MOCOS: variants seen among roughly 807,000 people sequenced by gnomAD.
MOCOS encodes the protein human molybdenum cofactor sulfurase.
Under a neutral mutation model 83.6 loss-of-function variants are expected in MOCOS, and 86 were observed. The ratio of observed to expected loss-of-function variants is 1.03; its 90% CI spans 0.86 to 1.23. MOCOS has a LOEUF of 1.23. Ranked by LOEUF, MOCOS falls within the 50% of genes most tolerant of loss-of-function variation. The probability of loss-of-function intolerance (pLI) is 0.00; values close to 1 mark genes in which losing one functional copy is unlikely to be tolerated. For missense variants in MOCOS, 1,120 were observed against 1,126.9 expected, an observed-to-expected ratio of 0.99 and a Z score of 0.09; for synonymous variants, 445 against 434.7, an observed-to-expected ratio of 1.02 and a Z score of -0.29.
intron 2 of MOCOS, among the ~76,000 whole-genome samples, chr18:36,197,276 T>C (rs902169155): frequency 1.3e-5 from 2 of 152,152 alleles, no homozygotes; most frequent in African/African-American, 4.8e-5. Context: ...TGCTTCATGC[T>C]TGGAGAAAAG....
intron 13 of MOCOS, among the ~76,000 whole-genome samples, chr18:36,262,077 T>C (rs572941847): frequency 6.6e-6 from 1 of 152,278 alleles, no homozygotes; most frequent in South Asian, 2.1e-4. Context: ...TTGCTTTCTT[T>C]AGGTCACCAT....
chr18:36,212,357 G>C (rs930840414), intron 6 of MOCOS, among the ~76,000 whole-genome samples: 2 of 151,954 alleles, frequency 1.3e-5, no homozygotes, highest in African/African-American at 4.8e-5. Flanking sequence ...GGGCAGCCAC[G>C]GGGACTCTAA....
chr18:36,238,810 G>T (rs1266004234), intron 9 of MOCOS, among the ~76,000 whole-genome samples: 2 of 123,522 alleles, frequency 1.6e-5, no homozygotes, highest in Admixed American at 9.1e-5. Context: ...TTATGAATCT[G>T]GGTGCTCCTG....
At chr18:36,218,048 G>A (rs115410496) in intron 8 of MOCOS, among the ~76,000 whole-genome samples, 1,893 of 152,268 alleles carry the variant, frequency 0.012, 44 homozygotes, top group African/African-American at 0.043. Flanking sequence ...GCAAAAGCAG[G>A]ATGGGGCGAC....
intron 13 of MOCOS, among the ~76,000 whole-genome samples, chr18:36,262,508 C>CT (rs368337747): frequency 2.0e-5 from 3 of 151,884 alleles, no homozygotes; most frequent in Non-Finnish European, 2.9e-5. Flanking sequence ...CTGCACCTTT[C>CT]TTTTTTTTGA....
chr18:36,223,035 CA>C (rs1341539263), intron 9 of MOCOS, among the ~76,000 whole-genome samples: 2 of 152,218 alleles, frequency 1.3e-5, no homozygotes, highest in African/African-American at 4.8e-5. Context: ...TCCCATTCCA[CA>C]GGTTGCCTTT....
Position 36,266,741 on chromosome 18 carries a change from C to T in MOCOS, c.2410-8C>T, listed in dbSNP as rs374057656. The T allele has an allele frequency of 9.9e-6, 16 of 1,613,198 alleles. No individual in the cohort carries two copies. The African/African-American group carries it at 2.1e-4, about 22-fold the overall frequency. ...TGGCAACGCTGTGTTTTCCTTCTCA[C>T]CTGCCAGGTTTTGGGGCCTTGTCAC... On this transcript the variant is annotated splice_polypyrimidine_tract_variant and splice_region_variant and intron_variant, in intron 13 of 14. Transcript: ENST00000261326.
rs1230602616 is a variant in MOCOS, at chr18:36,217,503, A to G, written c.1797+1526A>G. ...ATCTATGACTAGTTCTGTGGTTGGA[A>G]CTCTGAACCTTTGCCTTTGTCCACA... is the stretch of plus-strand genomic sequence containing the variant. On this transcript the variant is annotated intron_variant, in intron 8 of 14. Coordinates refer to ENST00000261326, the MANE Select transcript of MOCOS (RefSeq NM_017947.4). Among the ~76,000 whole-genome samples the G allele has an allele frequency of 2.6e-5, 4 of 151,750 alleles. No individual in the cohort carries two copies. The East Asian group carries it at 5.8e-4, about 22-fold the overall frequency.
chr18:36,199,896 G>T lies in MOCOS; in HGVS notation c.513G>T (p.Pro171=). Residue 171 remains proline, a synonymous_variant, in exon 4 of 15, where the codon CCG becomes CCT. Coordinates refer to ENST00000261326, the MANE Select transcript of MOCOS (RefSeq NM_017947.4). The stretch of plus-strand genomic sequence containing the variant: ...TGGCTATAAATGTCATATCCACCCC[G>T]GTCAGGCCAGAGGACCTGTGGTCTG... ...VTMAINVIST[P]VRPEDLWSAE... The T allele has an allele frequency of 1.2e-6, 2 of 1,613,660 alleles. No individual in the cohort carries two copies. The highest frequency in any genetic ancestry group is 1.7e-5 in the Admixed American group (1 of 59,984).
chr18:36,239,722 C>A lies in MOCOS; in HGVS notation c.1961-9200C>A, dbSNP rs1453916266. Reference sequence around the variant, plus strand: ...GGAAATTCTCCTGGATAATATCCTGCAGAGTGTTTTCCAACTTGGTTCCAT... The same window carrying A: ...GGAAATTCTCCTGGATAATATCCTGAAGAGTGTTTTCCAACTTGGTTCCAT... On this transcript the variant is annotated intron_variant, in intron 9 of 14. Coordinates refer to ENST00000261326, the MANE Select transcript of MOCOS (RefSeq NM_017947.4). 5.4e-5 allele frequency among the ~76,000 whole-genome samples: 8 copies of A among 148,520 alleles called. No homozygotes were observed. The East Asian group carries it at 1.6e-3, about 29-fold the overall frequency.
intron 1 of MOCOS, among the ~76,000 whole-genome samples, chr18:36,191,033 A>AAAAAG (rs1555650783): frequency 2.1e-4 from 26 of 124,480 alleles, no homozygotes; most frequent in Middle Eastern, 3.9e-3. Flanking sequence ...AAAAAAAAAG[A>AAAAAG]AAAAGAAAAA....
chr18:36,219,575 A>G (rs150370517), intron 8 of MOCOS, among the ~76,000 whole-genome samples: 79 of 152,222 alleles, frequency 5.2e-4, no homozygotes, highest in African/African-American at 1.9e-3. Flanking sequence ...GCTACTCAGG[A>G]GGCTGAGGCA....
chr18:36,187,656 G>C lies in MOCOS; in HGVS notation c.117G>C (p.Arg39=). Residue 39 remains arginine, a synonymous_variant, in exon 1 of 15, where the codon CGG becomes CGC. Coordinates refer to ENST00000261326, the MANE Select transcript of MOCOS (RefSeq NM_017947.4). ...GCCCGGGCAGCCTGCGCGAGCTGCG[G>C]GCGCGCGAGTTCAGCCGCCTGGCAG... The part of the protein sequence containing the change: ...GYGPGSLREL[R]AREFSRLAGT... The C allele has an allele frequency of 8.0e-7, 1 of 1,256,618 alleles. No individual in the cohort carries two copies. Among genetic ancestry groups the C allele is most frequent in the Admixed American group, 4.0e-5 (1 of 25,072 alleles). 77.8% of individuals were successfully genotyped at this position (1,256,618 alleles called of 1,614,324 possible).
At chr18:36,220,336 T>A in intron 9 of MOCOS, 119 bp downstream of exon 9, 2 of 1,186,118 alleles carry the variant, frequency 1.7e-6, no homozygotes, top group Non-Finnish European at 2.3e-6. Flanking sequence ...TGAGACCTCA[T>A]CTCTACAAAA....
intron 6 of MOCOS, among the ~76,000 whole-genome samples, chr18:36,206,786 G>T (rs528443009): frequency 6.6e-6 from 1 of 152,136 alleles, no homozygotes; most frequent in African/African-American, 2.4e-5. Context: ...ATGGCCTCCA[G>T]CTGCATCATG....
chr18:36,219,960 A>C, intron 8 of MOCOS, 95 bp from the exon 9 acceptor site: 1 of 1,486,986 alleles, frequency 6.7e-7, no homozygotes, highest in Admixed American at 1.7e-5. Flanking sequence ...TGCTGAATTC[A>C]TGAAGTCTAT....
rs752948220 is a variant in MOCOS, at chr18:36,187,532, C to T, written c.-8C>T. The T allele has an allele frequency of 2.4e-6, 3 of 1,234,174 alleles. No individual in the cohort carries two copies. The highest frequency in any genetic ancestry group is 3.1e-5 in the African/African-American group (2 of 64,330). The allele number at this position is 1,234,174 out of a possible 1,614,324, so 76.5% of individuals were successfully genotyped here. On this transcript the variant is annotated 5_prime_UTR_variant, in exon 1 of 15. Coordinates refer to ENST00000261326, the MANE Select transcript of MOCOS (RefSeq NM_017947.4). ...GGCCCGGCCGGCCTGGATGGACTAG[C>T]CGGGGCCATGGCCGGCGCGGCGGCG...
In MOCOS at chr18:36,220,088, CTA is replaced by C. The variant is rs1462255839; in HGVS notation, c.1835_1836del (p.Tyr612Ter). ...GTGGCCTGTAGGAAACCAAGGGCTG[CTA>C]TATGACCGGAGCTGGATGGTTGTGA... ...TRWPVGNQGL[L>X]YDRSWMVVNH... On this transcript the variant is annotated frameshift_variant, in exon 9 of 15. Transcript: ENST00000261326. LOFTEE classifies it high-confidence loss of function. The C allele has an allele frequency of 6.2e-7, 1 of 1,613,564 alleles. No homozygotes were observed. The highest frequency in any genetic ancestry group is 1.3e-5 in the African/African-American group (1 of 74,896).
At chr18:36,268,423 A>T in intron 14 of MOCOS, 110 bp from the exon 15 acceptor site, 1 of 1,346,618 alleles carries the variant, frequency 7.4e-7, no homozygotes, top group Non-Finnish European at 1.1e-6. Flanking sequence ...GTCTCAGTAT[A>T]TGTCTTTAAA....
Sources: allele counts gnomAD v4.1 joint callset (sites outside exome capture counted in the v4.1 genomes callset), GRCh38; gene constraint gnomAD v4.1.1; transcripts MANE v1.5; gene names NCBI Gene and HGNC (gene_info 2026-07-23, HGNC 2026-07-21).